SMC6: variants seen among roughly 807,000 people sequenced by gnomAD.
SMC6 encodes the protein structural maintenance of chromosomes protein 6.
In SMC6, 79 loss-of-function variants were observed where a neutral mutation model predicts 142.2. That is an observed-to-expected ratio of 0.56 (90% CI 0.46 to 0.67). The LOEUF (loss-of-function observed/expected upper bound fraction) is 0.67, where lower values mean the gene tolerates loss of function less well. Among genes scored for constraint, SMC6 ranks in the 30% least tolerant of loss-of-function variants. The pLI is 0.00. For synonymous variants in SMC6, 411 were observed against 412.4 expected (o/e 1.00, Z 0.04); for missense variants, 1,072 against 1,284.0 (o/e 0.83, Z 2.52).
At chr2:17,718,950 A>T (rs1669239210) in intron 11 of SMC6, among the ~76,000 whole-genome samples, 1 of 152,210 alleles carries the variant, frequency 6.6e-6, no homozygotes, top group Admixed American at 6.5e-5. Context: ...CAGAAAAATC[A>T]AAGGAAAAGA....
At chr2:17,738,354 C>T (rs1456316231) in intron 4 of SMC6, 28 bp from the exon 5 acceptor site, 1 of 1,529,808 alleles carries the variant, frequency 6.5e-7, no homozygotes, top group African/African-American at 1.5e-5. Context: ...GAAGAAATCA[C>T]ATTCATTAAA....
intron 21 of SMC6, among the ~76,000 whole-genome samples, chr2:17,699,706 T>G (rs1668178031): frequency 6.6e-6 from 1 of 151,040 alleles, no homozygotes; most frequent in South Asian, 2.1e-4. Flanking sequence ...AAGTGAATAT[T>G]ATGAAAAACT....
chr2:17,742,105 A>T (rs73921064), intron 3 of SMC6, among the ~76,000 whole-genome samples: 21,044 of 152,150 alleles, frequency 0.14, 1,785 homozygotes, highest in African/African-American at 0.24. Context: ...ACAACCAAAA[A>T]TATGTCCAGA....
intron 2 of SMC6, among the ~76,000 whole-genome samples, chr2:17,746,607 G>T (rs1670758104): frequency 6.6e-6 from 1 of 151,986 alleles, no homozygotes; most frequent in South Asian, 2.1e-4. Flanking sequence ...AAAAAGTCCA[G>T]GTTGATTGTC....
At chr2:17,675,038 T>C (rs1474328981) in intron 25 of SMC6, among the ~76,000 whole-genome samples, 1 of 152,114 alleles carries the variant, frequency 6.6e-6, no homozygotes, top group Non-Finnish European at 1.5e-5. Context: ...ATCTGAGCCA[T>C]GCATCTCCTT....
intron 19 of SMC6, 74 bp downstream of exon 19, chr2:17,703,083 T>C (rs761654806): frequency 1.3e-5 from 13 of 967,224 alleles, no homozygotes; most frequent in Middle Eastern, 3.3e-4. Context: ...GAGTCAATAA[T>C]GGGATCTTAA....
At chr2:17,693,973 C>T (rs1012792831) in intron 23 of SMC6, among the ~76,000 whole-genome samples, 27 of 139,220 alleles carry the variant, frequency 1.9e-4, no homozygotes, top group African/African-American at 7.2e-4. Flanking sequence ...GCACTCCAGC[C>T]TGGGCAAGAG....
chr2:17,699,383 T>C (rs1668162811), intron 21 of SMC6, among the ~76,000 whole-genome samples: 1 of 152,164 alleles, frequency 6.6e-6, no homozygotes, highest in Non-Finnish European at 1.5e-5. Flanking sequence ...ACCTTTTCTT[T>C]AATTTCCAGA....
chr2:17,690,675 T>A (rs780943291), intron 23 of SMC6, among the ~76,000 whole-genome samples: 1 of 151,892 alleles, frequency 6.6e-6, no homozygotes, highest in Admixed American at 6.6e-5. Flanking sequence ...ATTTTTAAAA[T>A]CTGCATAATG....
intron 21 of SMC6, among the ~76,000 whole-genome samples, chr2:17,698,882 T>C: frequency 6.6e-6 from 1 of 152,136 alleles, no homozygotes; most frequent in East Asian, 1.9e-4. Flanking sequence ...TTACATTATA[T>C]ACACCAAACA....
chr2:17,696,779 C>T (rs574203880), intron 21 of SMC6, among the ~76,000 whole-genome samples: 44 of 151,772 alleles, frequency 2.9e-4, no homozygotes, highest in African/African-American at 9.4e-4. Context: ...AGGGTGGGTT[C>T]GGGAAAAAGC....
At chr2:17,690,060 T>C (rs1303219367) in intron 23 of SMC6, among the ~76,000 whole-genome samples, 1 of 152,190 alleles carries the variant, frequency 6.6e-6, no homozygotes, top group Non-Finnish European at 1.5e-5. Context: ...GAAAATCCAC[T>C]AGGATTAAAA....
chr2:17,744,520 C>A (rs1670638052), intron 3 of SMC6, among the ~76,000 whole-genome samples: 1 of 152,088 alleles, frequency 6.6e-6, no homozygotes, highest in African/African-American at 2.4e-5. Flanking sequence ...ACATAATCTG[C>A]AAACAGAGAC....
intron 21 of SMC6, among the ~76,000 whole-genome samples, chr2:17,696,843 C>T (rs1260690424): frequency 6.6e-6 from 1 of 152,074 alleles, no homozygotes; most frequent in African/African-American, 2.4e-5. Context: ...GGTATAACTT[C>T]ACAATTTTGA....
intron 2 of SMC6, among the ~76,000 whole-genome samples, chr2:17,747,727 C>T (rs1670825688): frequency 6.6e-6 from 1 of 152,130 alleles, no homozygotes; most frequent in Admixed American, 6.5e-5. Flanking sequence ...TGATCTCGAA[C>T]TTCTGACCTC....
intron 6 of SMC6, among the ~76,000 whole-genome samples, chr2:17,731,375 A>G (rs1337902786): frequency 6.6e-6 from 1 of 152,178 alleles, no homozygotes; most frequent in African/African-American, 2.4e-5. Flanking sequence ...TTTGCTCCTT[A>G]TCTATCTCTT....
At chr2:17,688,255 G>C (rs1667548328) in intron 23 of SMC6, among the ~76,000 whole-genome samples, 1 of 151,644 alleles carries the variant, frequency 6.6e-6, no homozygotes, top group African/African-American at 2.4e-5. Context: ...CTCCAAGGCT[G>C]GGTCAGGTAT....
At chr2:17,700,132 C>A in intron 21 of SMC6, 76 bp downstream of exon 21, 1 of 957,464 alleles carries the variant, frequency 1.0e-6, no homozygotes, top group South Asian at 2.3e-5. Context: ...TCTTTTAGGC[C>A]AATATCCATA....
intron 26 of SMC6, among the ~76,000 whole-genome samples, chr2:17,670,182 G>A (rs1379218952): frequency 2.6e-5 from 4 of 152,118 alleles, no homozygotes; most frequent in African/African-American, 9.7e-5. Context: ...TGGAAGGCAC[G>A]GATATCCATG....
Sources: allele counts gnomAD v4.1 joint callset (sites outside exome capture counted in the v4.1 genomes callset), GRCh38; gene constraint gnomAD v4.1.1; transcripts MANE v1.5; gene names NCBI Gene and HGNC (gene_info 2026-07-23, HGNC 2026-07-21).